DNAH2: variants seen among roughly 807,000 people sequenced by gnomAD.
The protein encoded by DNAH2 is dynein axonemal heavy chain 2, also known as axonemal beta dynein heavy chain 2.
A neutral mutation model predicts 523.5 loss-of-function variants in DNAH2; 323 were observed. The ratio of observed to expected loss-of-function variants is 0.62; its 90% CI spans 0.56 to 0.68. DNAH2 has a LOEUF of 0.68. Ranked by LOEUF, DNAH2 falls within the 30% of genes least tolerant of loss-of-function variation. The probability of loss-of-function intolerance (pLI) is 0.00; values close to 1 mark genes in which losing one functional copy is unlikely to be tolerated. For synonymous variants in DNAH2, 2,093 were observed against 2,177.4 expected (o/e 0.96, Z 1.08); for missense variants, 4,907 against 5,701.5 (o/e 0.86, Z 4.49).
chr17:7,818,757 C>A lies in DNAH2; in HGVS notation c.10651C>A (p.Leu3551Met). The A allele has an allele frequency of 1.9e-6, 3 of 1,614,098 alleles. No homozygotes were observed. Among genetic ancestry groups the A allele is most frequent in the Non-Finnish European group, 2.5e-6 (3 of 1,179,984 alleles). ...GGCTGGTAAAAGGAAGCTCAAGGAG[C>A]TGGAGGATGAGATCCTGCGGTGAGG... Reference protein sequence around the residue: ...IAAGKRKLKELEDEILRLLNE... With the variant: ...IAAGKRKLKEMEDEILRLLNE... The change falls in exon 70 of 86, where the codon CTG becomes ATG. Residue 3551 changes from leucine to methionine, a missense_variant. Transcript: ENST00000572933.
chr17:7,780,874 G>T lies in DNAH2; in HGVS notation c.6003+92G>T, dbSNP rs1301064831. ...GTCTTTCAGACCCTTTCTTTCCTCA[G>T]ATTGGGATTCTCACCTTCCCACCTC... On this transcript the variant is annotated intron_variant, in intron 38 of 85. Coordinates refer to ENST00000572933, the MANE Select transcript of DNAH2 (RefSeq NM_020877.5). This position sits in a 1 kb window ranked among gnomAD's most constrained non-coding sequence, Gnocchi z 4.4. 6.0e-5 allele frequency: 95 copies of T among 1,593,660 alleles called. No homozygotes were observed. The South Asian group carries it at 7.6e-4, about 13-fold the overall frequency.
rs746819161 is a variant in DNAH2, at chr17:7,763,989, G to A, written c.3137G>A (p.Arg1046His). The change falls in exon 19 of 86, where the codon CGC (arginine) becomes CAC (histidine). Residue 1046 changes from arginine to histidine, a missense_variant. Around this residue, in one of 3 missense-constraint regions of DNAH2, gnomAD observed 2,806 missense variants for 3,190.8 expected, o/e 0.88. Transcript: ENST00000572933. ...ATLLREMAAG[R>H]LLELHTYLKE... ...CTGCTCAGGGAGATGGCTGCTGGGC[G>A]CCTCCTGGAGCTGCACACCTACCTG... The A allele has an allele frequency of 1.2e-5, 20 of 1,614,056 alleles. No homozygotes were observed. The highest frequency in any genetic ancestry group is 1.2e-4 in the Admixed American group (7 of 60,004).
At chr17:7,785,927 C>T (rs2076720860) in intron 39 of DNAH2, among the ~76,000 whole-genome samples, 197 bp from the exon 40 acceptor site, 1 of 152,166 alleles carries the variant, frequency 6.6e-6, no homozygotes, top group South Asian at 2.1e-4. Flanking sequence ...GGGAACCAGG[C>T]TGGCGGACTC....
At chr17:7,773,625 C>T (rs757534396) in intron 28 of DNAH2, among the ~76,000 whole-genome samples, 12 of 152,218 alleles carry the variant, frequency 7.9e-5, no homozygotes, top group Non-Finnish European at 1.6e-4. Context: ...GCACTTATTA[C>T]GCACTGAGGC....
At chr17:7,739,017 G>A (rs1351360341) in intron 8 of DNAH2, 1 of 702,472 alleles carries the variant, frequency 1.4e-6, no homozygotes, top group African/African-American at 1.7e-5. Context: ...TTATTGAGGT[G>A]GGAAGACTGA....
In DNAH2 at chr17:7,721,546, C is replaced by T. The variant is rs556525258; in HGVS notation, c.166+1646C>T. Among the ~76,000 whole-genome samples, 255 of 71,892 alleles carry T rather than the reference C, an allele frequency of 3.5e-3. 1 individual carries two copies. Among genetic ancestry groups the T allele is most frequent in the Non-Finnish European group, 5.5e-3 (160 of 29,024 alleles). 47.2% of individuals were successfully genotyped at this position (71,892 alleles called of 152,430 possible). On this transcript the variant is annotated intron_variant, in intron 2 of 85. Transcript: ENST00000572933. ...CAAGGGAGTTGGATCATCTCACCTA[C>T]TCACCTACTACTAAGCTCCGGAATC...
chr17:7,719,618 T>G, intron 1 of DNAH2, 103 bp from the exon 2 acceptor site: 23 of 1,401,350 alleles, frequency 1.6e-5, no homozygotes, highest in Non-Finnish European at 2.3e-5. Context: ...ATGATCATAT[T>G]GAGTTTCAGT....
chr17:7,779,875 A>G (rs2076556915), intron 36 of DNAH2, among the ~76,000 whole-genome samples: 1 of 152,224 alleles, frequency 6.6e-6, no homozygotes, highest in Non-Finnish European at 1.5e-5. Context: ...GATGAGAGCT[A>G]TACACACAGA....
At chr17:7,729,303 G>T (rs2642162) in intron 4 of DNAH2, among the ~76,000 whole-genome samples, 109,847 of 151,464 alleles carry the variant, frequency 0.73, 41,419 homozygotes, top group East Asian at 1. Flanking sequence ...CCCAGCTACT[G>T]TGGAGGCTGA....
chr17:7,734,644 C>T lies in DNAH2; in HGVS notation c.914C>T (p.Ser305Phe). Residue 305 changes from serine (S) to phenylalanine (F), a missense_variant, in exon 7 of 86, where the codon TCC (serine) becomes TTC (phenylalanine). By Grantham distance (155) the Ser-to-Phe change is radical. This residue lies in a region of DNAH2 where 2,806 missense variants were observed against 3,190.8 expected (regional missense o/e 0.88). Transcript: ENST00000572933. ...AAGAAGGGAGTGAAGCACGTTGAAT[C>T]CATCCTGCACCTTGCCAAGTCGTCC... ...LVKKGVKHVE[S>F]ILHLAKSSYL... The T allele has an allele frequency of 5.6e-6, 9 of 1,613,178 alleles. No individual in the cohort carries two copies. In the South Asian group the frequency reaches 9.9e-5, roughly 18 times the overall value.
At chr17:7,764,355 G>T in intron 20 of DNAH2, 82 bp downstream of exon 20, 1 of 1,499,312 alleles carries the variant, frequency 6.7e-7, no homozygotes, top group East Asian at 2.3e-5. Flanking sequence ...TCCTCGGGGA[G>T]AGTAGAGAAG....
rs748832921 is a variant in DNAH2, at chr17:7,832,916, G to A, written c.12966G>A (p.Val4322=). Residue 4322 remains valine (V), a synonymous_variant, in exon 84 of 86, where the codon GTG becomes GTA. Transcript: ENST00000572933. This position sits in a 1 kb window ranked among gnomAD's most constrained non-coding sequence, Gnocchi z 4.3. The part of the protein sequence containing the change: ...IVSTVDDSNL[V]YPPKDGVWVR... Reference sequence around the variant, plus strand: ...CCACTGTGGATGACAGCAACCTAGTGTATCCCCCCAAGGTGGGAGCCAGTT... The same window carrying A: ...CCACTGTGGATGACAGCAACCTAGTATATCCCCCCAAGGTGGGAGCCAGTT... 3.7e-6 allele frequency: 6 copies of A among 1,614,080 alleles called. No homozygotes were observed. The highest frequency in any genetic ancestry group is 4.2e-6 in the Non-Finnish European group (5 of 1,180,042).
At position 7,740,443 on chromosome 17, in the gene DNAH2, T is replaced by C; in HGVS notation, c.1400T>C (p.Leu467Pro). Residue 467 changes from leucine to proline, a missense_variant, in exon 10 of 86, where the codon CTG becomes CCG. By Grantham distance (98) the Leu-to-Pro change is moderately conservative. Coordinates refer to ENST00000572933, the MANE Select transcript of DNAH2 (RefSeq NM_020877.5). ...AGGTTCCGTGCCGGAATCAAGGACC[T>C]GGAGGTGATGACCCAGAACCTGATC... ...YNKFRAGIKD[L>P]EVMTQNLITS... 1 of 1,614,192 alleles carries C rather than the reference T, an allele frequency of 6.2e-7. No homozygotes were observed. Among genetic ancestry groups the C allele is most frequent in the Non-Finnish European group, 8.5e-7 (1 of 1,180,022 alleles).
intron 7 of DNAH2, among the ~76,000 whole-genome samples, chr17:7,736,707 C>T (rs928558253): frequency 1.1e-4 from 16 of 152,106 alleles, no homozygotes; most frequent in African/African-American, 3.1e-4. Flanking sequence ...GTGGGCTGGG[C>T]GTGGTGGCTC....
At position 7,788,083 on chromosome 17, in the gene DNAH2, C is replaced by G; in HGVS notation, c.6742-3C>G. ...TGAAGAGCCCCTTCTTATTCAACTC[C>G]AGGCTGAGGTGGAGCCCCTTCAACG... On this transcript the variant is annotated splice_polypyrimidine_tract_variant and splice_region_variant and intron_variant, in intron 43 of 85. Coordinates refer to ENST00000572933, the MANE Select transcript of DNAH2 (RefSeq NM_020877.5). The G allele has an allele frequency of 6.2e-7, 1 of 1,614,046 alleles. No homozygotes were observed. Among genetic ancestry groups the G allele is most frequent in the Non-Finnish European group, 8.5e-7 (1 of 1,179,932 alleles).
Position 7,777,946 on chromosome 17 carries a change from C to T in DNAH2, c.5248-131C>T, listed in dbSNP as rs549987272. 74 of 873,134 alleles carry T rather than the reference C, an allele frequency of 8.5e-5. No individual in the cohort carries two copies. The South Asian group carries it at 1.1e-3, about 13-fold the overall frequency. 54.1% of individuals were successfully genotyped at this position (873,134 alleles called of 1,614,324 possible). ...GCCCATAAACCGCTCCCCTTTTCAA[C>T]TCTAAAAGGGAACCCCTGATCCCTT... is the stretch of plus-strand genomic sequence containing the variant. On this transcript the variant is annotated intron_variant, in intron 33 of 85. Coordinates refer to ENST00000572933, the MANE Select transcript of DNAH2 (RefSeq NM_020877.5).
Position 7,776,127 on chromosome 17 carries a change from G to A in DNAH2, c.4925G>A (p.Trp1642Ter). The A allele has an allele frequency of 6.2e-7, 1 of 1,613,894 alleles. No homozygotes were observed. The highest frequency in any genetic ancestry group is 1.1e-5 in the South Asian group (1 of 91,078). ...LRKFLNKRDK[W>*]VKEWAGQVVI... ...AAGTTCCTCAACAAGAGGGACAAAT[G>A]GGTGAAGGAGTGGGCTGGCCAGGTG... Residue 1642 changes from tryptophan (W) to a stop codon, truncating the protein, a stop_gained, in exon 31 of 86, where the codon TGG becomes TAG. Coordinates refer to ENST00000572933, the MANE Select transcript of DNAH2 (RefSeq NM_020877.5). LOFTEE classifies it high-confidence loss of function.
intron 8 of DNAH2, among the ~76,000 whole-genome samples, chr17:7,738,632 C>T (rs1360033621): frequency 6.6e-6 from 1 of 152,082 alleles, no homozygotes; most frequent in Non-Finnish European, 1.5e-5. Context: ...CCCTGCCTGG[C>T]TTCTTATTTT....
Position 7,766,390 on chromosome 17 carries a change from C to T in DNAH2, c.3584C>T (p.Ala1195Val), listed in dbSNP as rs1176380550. Residue 1195 changes from alanine to valine, a missense_variant, in exon 22 of 86, where the codon GCC becomes GTC. Coordinates refer to ENST00000572933, the MANE Select transcript of DNAH2 (RefSeq NM_020877.5). Reference protein sequence around the residue: ...QITQVRAMLMAMREEENSLRA... With the variant: ...QITQVRAMLMVMREEENSLRA... Reference sequence around the variant, plus strand: ...ACACAAGTGCGGGCCATGCTGATGGCCATGCGGGAAGAGGAAAATAGTCTC... The same window carrying T: ...ACACAAGTGCGGGCCATGCTGATGGTCATGCGGGAAGAGGAAAATAGTCTC... 3 of 1,614,050 alleles carry T rather than the reference C, an allele frequency of 1.9e-6. No individual in the cohort carries two copies. In the Admixed American group the frequency reaches 5.0e-5, roughly 27 times the overall value.
Sources: allele counts gnomAD v4.1 joint callset (sites outside exome capture counted in the v4.1 genomes callset), GRCh38; gene constraint gnomAD v4.1.1; regional missense constraint gnomAD v4.1.1; non-coding constraint Gnocchi (gnomAD v3.1); transcripts MANE v1.5; gene names NCBI Gene and HGNC (gene_info 2026-07-23, HGNC 2026-07-21).